The following EPHA3 variants were observed in gnomAD, a reference collection of about 807,000 sequenced individuals.
EPHA3 encodes the protein ephrin type-A receptor 3.
Under a neutral mutation model 107.1 loss-of-function variants are expected in EPHA3, and 42 were observed. The ratio of observed to expected loss-of-function variants is 0.39; its 90% CI spans 0.31 to 0.51. EPHA3 has a LOEUF of 0.51. EPHA3 is among the 20% of genes least tolerant of loss of function. The probability of loss-of-function intolerance (pLI) is 0.78; values close to 1 mark genes in which losing one functional copy is unlikely to be tolerated. For missense variants in EPHA3, 1,183 were observed against 1,211.2 expected, an observed-to-expected ratio of 0.98 and a Z score of 0.35; for synonymous variants, 461 against 424.8, an observed-to-expected ratio of 1.09 and a Z score of -1.05.
At position 89,408,103 on chromosome 3, in the gene EPHA3, A is replaced by T. The variant is rs1278755088; in HGVS notation, c.1734A>T (p.Glu578Asp). The T allele has an allele frequency of 1.9e-6, 3 of 1,613,000 alleles. No individual in the cohort carries two copies. Among genetic ancestry groups the T allele is most frequent in the Non-Finnish European group, 2.5e-6 (3 of 1,179,178 alleles). The change falls in exon 9 of 17, where the codon GAA becomes GAT. Residue 578 changes from glutamate to aspartate, a missense_variant. Physicochemically the swap from Glu to Asp is conservative, Grantham distance 45. Coordinates refer to ENST00000336596, the MANE Select transcript of EPHA3 (RefSeq NM_005233.6). ...ATAAGTCAAAACATGGGGCAGATGAAAAAAGACTTCATTTTGGCAATGGGC... is the reference window on the plus strand; with the variant it reads ...ATAAGTCAAAACATGGGGCAGATGATAAAAGACTTCATTTTGGCAATGGGC... Reference protein sequence around the residue: ...CGYKSKHGADEKRLHFGNGHL... With the variant: ...CGYKSKHGADDKRLHFGNGHL...
At chr3:89,377,076 A>T (rs1205861714) in intron 5 of EPHA3, among the ~76,000 whole-genome samples, 1 of 151,966 alleles carries the variant, frequency 6.6e-6, no homozygotes, top group Non-Finnish European at 1.5e-5. Flanking sequence ...GGGTTTTGTC[A>T]CAGGAATATG....
chr3:89,191,865 T>C (rs987638365), intron 2 of EPHA3, among the ~76,000 whole-genome samples: 8 of 152,146 alleles, frequency 5.3e-5, no homozygotes, highest in African/African-American at 1.9e-4. Flanking sequence ...TTAGTAAATG[T>C]TAAAAAGATA....
intron 15 of EPHA3, among the ~76,000 whole-genome samples, chr3:89,460,588 T>G (rs1459898436): frequency 6.7e-6 from 1 of 149,772 alleles, no homozygotes; most frequent in Admixed American, 6.7e-5. Flanking sequence ...AAAAAGCTTC[T>G]GATCTCTAAG....
chr3:89,304,905 T>C (rs957044355), intron 3 of EPHA3, among the ~76,000 whole-genome samples: 1 of 152,162 alleles, frequency 6.6e-6, no homozygotes, highest in African/African-American at 2.4e-5. Context: ...TCAATACATA[T>C]TTAAGGAATT....
At chr3:89,355,880 T>A (rs980990614) in intron 5 of EPHA3, among the ~76,000 whole-genome samples, 1 of 150,216 alleles carries the variant, frequency 6.7e-6, no homozygotes, top group African/African-American at 2.4e-5. Context: ...ATGTGAACAA[T>A]GTGCAGATTA....
chr3:89,401,927 T>C (rs1708972161), intron 7 of EPHA3, among the ~76,000 whole-genome samples: 1 of 152,192 alleles, frequency 6.6e-6, no homozygotes, highest in Admixed American at 6.5e-5. Context: ...AAATCTATAT[T>C]TGATTTATCA....
chr3:89,449,114 C>A, intron 13 of EPHA3, 111 bp from the exon 14 acceptor site: 4 of 1,050,808 alleles, frequency 3.8e-6, no homozygotes, highest in Non-Finnish European at 5.1e-6. Flanking sequence ...ATGCATATTC[C>A]ATTTCAGAAC....
At position 89,143,837 on chromosome 3, in the gene EPHA3, T is replaced by C. The variant is rs1704481677; in HGVS notation, c.153+16564T>C. Among the ~76,000 whole-genome samples the C allele has an allele frequency of 1.3e-5, 2 of 151,346 alleles. 1 individual carries two copies. The highest frequency in any genetic ancestry group is 1.3e-4 in the Admixed American group (2 of 15,148). ...TCACATTGCATTTAGTAGGAAGGAA[T>C]TTTTTTCTTTTCTATTTATAGTCAA... On this transcript the variant is annotated intron_variant, in intron 2 of 16. Transcript: ENST00000336596.
chr3:89,137,365 C>A (rs1704335708), intron 2 of EPHA3, among the ~76,000 whole-genome samples: 4 of 151,630 alleles, frequency 2.6e-5, no homozygotes, highest in Admixed American at 2.6e-4. Context: ...TAAAATATTG[C>A]CTCCTTTATG....
chr3:89,299,198 G>A (rs1368240653), intron 3 of EPHA3, among the ~76,000 whole-genome samples: 2 of 151,970 alleles, frequency 1.3e-5, no homozygotes, highest in Non-Finnish European at 2.9e-5. Flanking sequence ...CTTTGAACAA[G>A]AATAATCAGG....
At chr3:89,300,157 A>G (rs1165528890) in intron 3 of EPHA3, among the ~76,000 whole-genome samples, 2 of 151,980 alleles carry the variant, frequency 1.3e-5, no homozygotes, top group Non-Finnish European at 2.9e-5. Context: ...CTAATTGACA[A>G]GAAACTACTA....
At chr3:89,154,626 T>G (rs1456076278) in intron 2 of EPHA3, among the ~76,000 whole-genome samples, 4 of 151,676 alleles carry the variant, frequency 2.6e-5, no homozygotes, top group Non-Finnish European at 4.4e-5. Context: ...GTGAAAAATT[T>G]CAATCATTTG....
At chr3:89,305,668 T>G (rs925678939) in intron 3 of EPHA3, among the ~76,000 whole-genome samples, 9 of 152,142 alleles carry the variant, frequency 5.9e-5, no homozygotes, top group Non-Finnish European at 1.2e-4. Context: ...TGAACTAGTG[T>G]GTGCCACCAA....
At chr3:89,115,074 G>A (rs2106947486) in intron 1 of EPHA3, among the ~76,000 whole-genome samples, 1 of 152,220 alleles carries the variant, frequency 6.6e-6, no homozygotes, top group Admixed American at 6.5e-5. Context: ...TGCAAGGTTC[G>A]CTGCCGGATT....
At chr3:89,133,744 G>A (rs1559746204) in intron 2 of EPHA3, among the ~76,000 whole-genome samples, 1 of 152,048 alleles carries the variant, frequency 6.6e-6, no homozygotes, top group African/African-American at 2.4e-5. Flanking sequence ...TGCAGTTTTC[G>A]ATGCCTCTCA....
intron 15 of EPHA3, among the ~76,000 whole-genome samples, chr3:89,459,678 A>G (rs1395800320): frequency 1.3e-5 from 2 of 152,094 alleles, no homozygotes; most frequent in Admixed American, 6.6e-5. Context: ...ACTCCCCACC[A>G]TGCCTGACTA....
At chr3:89,320,110 A>G (rs1707008846) in intron 3 of EPHA3, among the ~76,000 whole-genome samples, 1 of 152,016 alleles carries the variant, frequency 6.6e-6, no homozygotes, top group African/African-American at 2.4e-5. Context: ...CTTATTCTTT[A>G]GTCATTGCTA....
rs1559689138 is a variant in EPHA3 at position 89,419,275 on chromosome 3, G to A, written c.1959G>A (p.Lys653=). Residue 653 remains lysine, a synonymous_variant, in exon 11 of 17, where the codon AAG becomes AAA. Coordinates refer to ENST00000336596, the MANE Select transcript of EPHA3 (RefSeq NM_005233.6). ...PSKKEISVAI[K]TLKVGYTEKQ... Reference sequence around the variant, plus strand: ...AAAAAGAGATTTCAGTGGCCATTAAGACCCTGAAAGTTGGCTACACAGAAA... The same window carrying A: ...AAAAAGAGATTTCAGTGGCCATTAAAACCCTGAAAGTTGGCTACACAGAAA... 1 of 1,610,480 alleles carries A rather than the reference G, an allele frequency of 6.2e-7. No homozygotes were observed. Among genetic ancestry groups the A allele is most frequent in the East Asian group, 2.2e-5 (1 of 44,774 alleles).
At chr3:89,142,975 T>A (rs1050558900) in intron 2 of EPHA3, among the ~76,000 whole-genome samples, 2 of 151,324 alleles carry the variant, frequency 1.3e-5, no homozygotes, top group African/African-American at 2.4e-5. Context: ...GGGGAAATCC[T>A]CTTTTAACCT....
Sources: gnomAD v4.1 joint callset for allele counts (sites outside exome capture counted in the v4.1 genomes callset) on GRCh38, gnomAD v4.1.1 for gene constraint, MANE v1.5 for transcripts, NCBI Gene and HGNC (gene_info 2026-07-23, HGNC 2026-07-21) for gene names.